GMDS: variants seen among roughly 807,000 people sequenced by gnomAD.
GMDS encodes the protein GDP-mannose 4,6 dehydratase.
In GMDS, 20 loss-of-function variants were observed where a neutral mutation model predicts 49.9. The ratio of observed to expected loss-of-function variants is 0.40; its 90% CI spans 0.28 to 0.58. The LOEUF (loss-of-function observed/expected upper bound fraction) is 0.58. Ranked by LOEUF, GMDS falls within the 20% of genes least tolerant of loss-of-function variation. The pLI is 0.42. For missense variants in GMDS, 362 were observed against 481.4 expected (o/e 0.75, Z 2.32); for synonymous variants, 177 against 178.6 (o/e 0.99, Z 0.07).
chr6:1,873,080 G>A (rs1249499596), intron 7 of GMDS, among the ~76,000 whole-genome samples: 1 of 152,202 alleles, frequency 6.6e-6, no homozygotes, highest in Non-Finnish European at 1.5e-5. Context: ...GACAGTGAGG[G>A]ACAGCCCAGG....
chr6:1,956,481 C>T lies in GMDS; in HGVS notation c.643+3386G>A, dbSNP rs552137901. ...ATGTTATTCATGCAGTGAGAGGGCACCTTTGACAATTACACTTTGTTAGAG... is the reference window on the plus strand; with the variant it reads ...ATGTTATTCATGCAGTGAGAGGGCATCTTTGACAATTACACTTTGTTAGAG... On this transcript the variant is annotated intron_variant, in intron 6 of 10. Transcript: ENST00000380815. Among the ~76,000 whole-genome samples the T allele has an allele frequency of 9.2e-5, 14 of 152,242 alleles. No individual in the cohort carries two copies. The East Asian group carries it at 2.7e-3, about 29-fold the overall frequency.
intron 1 of GMDS, among the ~76,000 whole-genome samples, chr6:2,181,956 G>A (rs1426619165): frequency 6.6e-6 from 1 of 152,178 alleles, no homozygotes; most frequent in Non-Finnish European, 1.5e-5. Flanking sequence ...AGTCAAGACC[G>A]GCTGAAAGGT....
intron 4 of GMDS, among the ~76,000 whole-genome samples, chr6:1,980,071 GTTACCAGT>G (rs1305726530): frequency 1.8e-4 from 28 of 152,230 alleles, no homozygotes; most frequent in Admixed American, 1.6e-3. Context: ...AGGAAAACCT[GTTACCAGT>G]CACTACAAAG....
At chr6:1,865,568 A>T (rs1758402882) in intron 7 of GMDS, among the ~76,000 whole-genome samples, 1 of 152,212 alleles carries the variant, frequency 6.6e-6, no homozygotes, top group African/African-American at 2.4e-5. Context: ...TCTAATTATA[A>T]AAAGTTGCTG....
At chr6:1,990,741 ATTT>A (rs70992118) in intron 4 of GMDS, among the ~76,000 whole-genome samples, 1 of 144,060 alleles carries the variant, frequency 6.9e-6, no homozygotes. Flanking sequence ...CACCCAGCTA[ATTT>A]TTTTTTTTTT....
At position 2,213,548 on chromosome 6, in the gene GMDS, T is replaced by C. The variant is rs552243242; in HGVS notation, c.102+31773A>G. On this transcript the variant is annotated intron_variant, in intron 1 of 10. Coordinates refer to ENST00000380815, the MANE Select transcript of GMDS (RefSeq NM_001500.4). ...AAAGGTACACAAAACAGTTCTACTA[T>C]AGTTTGGGGTGAAGGAGGGGCACAT... Among the ~76,000 whole-genome samples, 4 of 152,264 alleles carry C rather than the reference T, an allele frequency of 2.6e-5. No individual in the cohort carries two copies. The South Asian group carries it at 8.3e-4, about 32-fold the overall frequency.
intron 4 of GMDS, among the ~76,000 whole-genome samples, chr6:2,109,804 T>C (rs772526839): frequency 5.3e-5 from 8 of 152,244 alleles, no homozygotes; most frequent in Non-Finnish European, 1.0e-4. Flanking sequence ...GGCCGATGGC[T>C]GTATTCACAC....
chr6:1,671,686 G>T (rs1433583121), intron 9 of GMDS, among the ~76,000 whole-genome samples: 2 of 124,720 alleles, frequency 1.6e-5, no homozygotes, highest in African/African-American at 5.8e-5. Context: ...TTTTTTTTGA[G>T]ACGGAATCTC....
intron 7 of GMDS, among the ~76,000 whole-genome samples, chr6:1,789,789 C>G (rs1279216473): frequency 6.6e-6 from 1 of 152,164 alleles, no homozygotes; most frequent in Non-Finnish European, 1.5e-5. Context: ...GTCCTTCCAC[C>G]TCAGCCTCCC....
At chr6:1,990,504 T>C (rs943225383) in intron 4 of GMDS, among the ~76,000 whole-genome samples, 2 of 152,224 alleles carry the variant, frequency 1.3e-5, no homozygotes, top group Non-Finnish European at 1.5e-5. Context: ...GATCAGTCAA[T>C]TAACCTGTAT....
intron 8 of GMDS, among the ~76,000 whole-genome samples, chr6:1,740,409 T>C (rs552138857): frequency 1.3e-5 from 2 of 151,726 alleles, no homozygotes; most frequent in African/African-American, 4.8e-5. Context: ...ATACAAAAAT[T>C]AGATGGGCGT....
chr6:2,240,246 C>G (rs1375529716), intron 1 of GMDS, among the ~76,000 whole-genome samples: 2 of 152,188 alleles, frequency 1.3e-5, no homozygotes, highest in Non-Finnish European at 2.9e-5. Flanking sequence ...CAAAGCAAGG[C>G]TAAATAGTAA....
At chr6:1,885,646 A>G (rs899147045) in intron 7 of GMDS, among the ~76,000 whole-genome samples, 2 of 152,218 alleles carry the variant, frequency 1.3e-5, no homozygotes. Context: ...ATTAGAGGGC[A>G]GAGTCCACCT....
At chr6:1,908,127 C>T (rs1390127153) in intron 7 of GMDS, among the ~76,000 whole-genome samples, 4 of 152,136 alleles carry the variant, frequency 2.6e-5, no homozygotes, top group Admixed American at 6.5e-5. Context: ...AAGGAGGCTA[C>T]TAAGAGACTA....
At chr6:1,820,033 A>C (rs1454296198) in intron 7 of GMDS, among the ~76,000 whole-genome samples, 2 of 152,042 alleles carry the variant, frequency 1.3e-5, no homozygotes, top group East Asian at 3.9e-4. Context: ...GTCTGGTACT[A>C]ATATAAAAAG....
intron 1 of GMDS, among the ~76,000 whole-genome samples, chr6:2,218,771 C>T (rs892671877): frequency 1.8e-4 from 28 of 152,104 alleles, no homozygotes; most frequent in Non-Finnish European, 3.2e-4. Flanking sequence ...AGCTATGTTA[C>T]GTGCCAACAA....
At chr6:1,799,048 G>C (rs1364890268) in intron 7 of GMDS, among the ~76,000 whole-genome samples, 3 of 152,162 alleles carry the variant, frequency 2.0e-5, no homozygotes, top group Non-Finnish European at 4.4e-5. Flanking sequence ...TTTTCAAATA[G>C]GAACTTTCAA....
chr6:1,667,804 A>ATT (rs200614753), intron 9 of GMDS, among the ~76,000 whole-genome samples: 32 of 145,626 alleles, frequency 2.2e-4, no homozygotes, highest in Non-Finnish European at 3.5e-4. Context: ...GGCCATTCCA[A>ATT]TTTTTTTTAA....
intron 1 of GMDS, chr6:2,175,877 C>A (rs992651428): frequency 1.4e-5 from 13 of 906,200 alleles, no homozygotes; most frequent in Non-Finnish European, 2.1e-5. Flanking sequence ...ACAGCCCTAT[C>A]AGGCTTGTGG....
Sources: allele counts gnomAD v4.1 joint callset (sites outside exome capture counted in the v4.1 genomes callset), GRCh38; gene constraint gnomAD v4.1.1; transcripts MANE v1.5; gene names NCBI Gene and HGNC (gene_info 2026-07-23, HGNC 2026-07-21).